Variants in LRRTM4 observed in about 807,000 individuals in gnomAD.
LRRTM4 encodes the protein leucine-rich repeat transmembrane neuronal protein 4.
LRRTM4 carries 25 observed loss-of-function variants against 47.6 expected under a neutral mutation model. That is an observed-to-expected ratio of 0.53 (90% CI 0.38 to 0.73). The LOEUF (loss-of-function observed/expected upper bound fraction) is 0.73, where lower values mean the gene tolerates loss of function less well. LRRTM4 is among the 30% of genes least tolerant of loss of function. The pLI is 0.00. For missense variants in LRRTM4, 638 were observed against 713.4 expected, an observed-to-expected ratio of 0.89 and a Z score of 1.20; for synonymous variants, 311 against 269.5, an observed-to-expected ratio of 1.15 and a Z score of -1.51.
rs373276059 is a variant in LRRTM4 at position 77,518,344 on chromosome 2, T to C, written c.1525A>G (p.Thr509Ala). 8 of 1,611,046 alleles carry C rather than the reference T, an allele frequency of 5.0e-6. No individual in the cohort carries two copies. Among genetic ancestry groups the C allele is most frequent in the Non-Finnish European group, 6.8e-6 (8 of 1,178,638 alleles). ...SVNGSGPCTY[T>A]ISGSRECEMP... The stretch of plus-strand genomic sequence containing the variant: ...TCACATTCCCTGGAGCCAGAGATGG[T>C]ATATGTGCAGGGCCCAGATCCATTA... The change falls in exon 3 of 4, where the codon ACC becomes GCC. Residue 509 changes from threonine to alanine, a missense_variant. By Grantham distance (58) the Thr-to-Ala change is moderately conservative. Transcript: ENST00000409884.
At chr2:77,265,683 G>T (rs1235720393) in intron 3 of LRRTM4, among the ~76,000 whole-genome samples, 1 of 152,062 alleles carries the variant, frequency 6.6e-6, no homozygotes, top group Non-Finnish European at 1.5e-5. Context: ...TGTACTATGA[G>T]ATTTTACATG....
intron 3 of LRRTM4, among the ~76,000 whole-genome samples, chr2:77,020,416 A>G (rs530425964): frequency 5.3e-5 from 8 of 152,268 alleles, no homozygotes; most frequent in Non-Finnish European, 7.4e-5. Flanking sequence ...TTGCACCAAC[A>G]TAATACTTTA....
At chr2:77,428,790 G>A (rs1261813881) in intron 3 of LRRTM4, among the ~76,000 whole-genome samples, 1 of 152,140 alleles carries the variant, frequency 6.6e-6, no homozygotes, top group Non-Finnish European at 1.5e-5. Flanking sequence ...TATTGAGACT[G>A]TTAAAAAAGC....
At chr2:76,994,055 T>A (rs929382537) in intron 3 of LRRTM4, among the ~76,000 whole-genome samples, 1 of 151,754 alleles carries the variant, frequency 6.6e-6, no homozygotes, top group African/African-American at 2.4e-5. Flanking sequence ...CAGCTAAACA[T>A]TGGGTACTCG....
At chr2:76,888,548 A>G (rs968236791) in intron 3 of LRRTM4, among the ~76,000 whole-genome samples, 1 of 151,734 alleles carries the variant, frequency 6.6e-6, no homozygotes, top group Non-Finnish European at 1.5e-5. Context: ...ACTTAAAGCT[A>G]AAAAGTAGCT....
intron 3 of LRRTM4, among the ~76,000 whole-genome samples, chr2:77,132,367 T>A (rs1671824737): frequency 6.6e-6 from 1 of 152,238 alleles, no homozygotes; most frequent in South Asian, 2.1e-4. Flanking sequence ...TGTGTATATA[T>A]ACCACATATT....
At chr2:77,238,896 A>C (rs1276563372) in intron 3 of LRRTM4, among the ~76,000 whole-genome samples, 1 of 152,084 alleles carries the variant, frequency 6.6e-6, no homozygotes, top group African/African-American at 2.4e-5. Flanking sequence ...GGACAAACTA[A>C]TGCTAAGAAT....
rs527784282 is a variant in LRRTM4 at position 77,155,893 on chromosome 2, G to A, written c.1551+362425C>T. On this transcript the variant is annotated intron_variant, in intron 3 of 3. Transcript: ENST00000409884. ...TAACAGCTAACAGGGAACCTTTTAA[G>A]TTTCTCACCACAGATAAATGATAAA... Among the ~76,000 whole-genome samples, 10 of 152,196 alleles carry A rather than the reference G, an allele frequency of 6.6e-5. No individual in the cohort carries two copies. The South Asian group carries it at 1.0e-3, about 16-fold the overall frequency.
At chr2:77,241,203 AATACACACAC>A (rs1458402368) in intron 3 of LRRTM4, among the ~76,000 whole-genome samples, 20 of 119,176 alleles carry the variant, frequency 1.7e-4, no homozygotes, top group African/African-American at 6.2e-4. Flanking sequence ...TGGAATTGGA[AATACACACAC>A]ACACACACAC....
At chr2:77,408,676 T>C (rs1325358277) in intron 3 of LRRTM4, among the ~76,000 whole-genome samples, 2 of 152,178 alleles carry the variant, frequency 1.3e-5, no homozygotes, top group Non-Finnish European at 2.9e-5. Flanking sequence ...TAGGTGCTTC[T>C]CCTCTGTCAA....
chr2:76,965,269 C>A (rs911438385), intron 3 of LRRTM4, among the ~76,000 whole-genome samples: 21 of 151,148 alleles, frequency 1.4e-4, no homozygotes, highest in African/African-American at 5.1e-4. Context: ...ACAGACCAAT[C>A]TCTCTCATGA....
At chr2:77,293,785 G>A (rs1483976674) in intron 3 of LRRTM4, among the ~76,000 whole-genome samples, 1 of 152,050 alleles carries the variant, frequency 6.6e-6, no homozygotes, top group African/African-American at 2.4e-5. Flanking sequence ...TTGCTGGTGT[G>A]GGACACTAAT....
At chr2:77,287,107 T>C (rs1676686082) in intron 3 of LRRTM4, among the ~76,000 whole-genome samples, 1 of 152,076 alleles carries the variant, frequency 6.6e-6, no homozygotes, top group African/African-American at 2.4e-5. Context: ...CTCTGTATCA[T>C]TCACTGGGTG....
chr2:76,956,340 A>G (rs936818743), intron 3 of LRRTM4, among the ~76,000 whole-genome samples: 3 of 151,714 alleles, frequency 2.0e-5, no homozygotes, highest in African/African-American at 7.2e-5. Flanking sequence ...CATTTGGATA[A>G]CTAATACGTA....
intron 3 of LRRTM4, among the ~76,000 whole-genome samples, chr2:77,222,890 C>G (rs1674681731): frequency 6.6e-6 from 1 of 152,104 alleles, no homozygotes. Context: ...CAAAGCCTGG[C>G]AGAGACACAA....
At chr2:77,255,425 C>T (rs1675738367) in intron 3 of LRRTM4, among the ~76,000 whole-genome samples, 1 of 151,966 alleles carries the variant, frequency 6.6e-6, no homozygotes, top group African/African-American at 2.4e-5. Context: ...ACAGGATCTA[C>T]TTGATATTTA....
At chr2:76,779,895 G>C (rs971600716) in intron 3 of LRRTM4, among the ~76,000 whole-genome samples, 1 of 151,852 alleles carries the variant, frequency 6.6e-6, no homozygotes, top group Non-Finnish European at 1.5e-5. Context: ...TGCAGCGGCT[G>C]GTACCGGTTG....
chr2:77,138,195 A>T (rs948290622), intron 3 of LRRTM4, among the ~76,000 whole-genome samples: 3 of 152,094 alleles, frequency 2.0e-5, no homozygotes, highest in Non-Finnish European at 4.4e-5. Context: ...CATCGCACTT[A>T]TTCCAAAATT....
chr2:76,874,863 G>A (rs1214953598), intron 3 of LRRTM4, among the ~76,000 whole-genome samples: 1 of 151,326 alleles, frequency 6.6e-6, no homozygotes, highest in African/African-American at 2.5e-5. Flanking sequence ...TGAAGTTGAT[G>A]AGTAGCCTTA....
Sources: gnomAD v4.1 joint callset for allele counts (sites outside exome capture counted in the v4.1 genomes callset) on GRCh38, gnomAD v4.1.1 for gene constraint, MANE v1.5 for transcripts, NCBI Gene and HGNC (gene_info 2026-07-23, HGNC 2026-07-21) for gene names.